The following GXYLT2 variants were observed in gnomAD, a reference collection of about 807,000 sequenced individuals.
The protein encoded by GXYLT2 is glucoside xylosyltransferase 2, also known as glycosyltransferase 8 domain containing 4.
A neutral mutation model predicts 45.8 loss-of-function variants in GXYLT2; 53 were observed. The observed-to-expected ratio is 1.16, with a 90% CI of 0.93 to 1.46. The LOEUF (loss-of-function observed/expected upper bound fraction) is 1.46. Ranked by LOEUF, GXYLT2 falls within the 40% of genes most tolerant of loss-of-function variation. The pLI is 0.00. For synonymous variants in GXYLT2, 219 were observed against 214.2 expected (o/e 1.02, Z -0.19); for missense variants, 551 against 544.4 (o/e 1.01, Z -0.12).
chr3:72,954,628 T>A (rs908655743), intron 3 of GXYLT2, among the ~76,000 whole-genome samples: 2 of 126,574 alleles, frequency 1.6e-5, no homozygotes, highest in African/African-American at 6.2e-5. Context: ...AGAGTGAGAC[T>A]CCATCTCAAA....
At chr3:72,961,064 C>A (rs993657457) in intron 5 of GXYLT2, among the ~76,000 whole-genome samples, 1 of 152,124 alleles carries the variant, frequency 6.6e-6, no homozygotes, top group Non-Finnish European at 1.5e-5. Context: ...TAGTAAATGC[C>A]TGTGGGTGCA....
chr3:72,966,279 G>C (rs1710863254), intron 5 of GXYLT2, among the ~76,000 whole-genome samples: 1 of 145,068 alleles, frequency 6.9e-6, no homozygotes, highest in Non-Finnish European at 1.5e-5. Flanking sequence ...GTACCCAGCC[G>C]AAGGTGGGGG....
chr3:72,936,392 G>T (rs1710178962), intron 3 of GXYLT2, among the ~76,000 whole-genome samples: 1 of 152,026 alleles, frequency 6.6e-6, no homozygotes, highest in Non-Finnish European at 1.5e-5. Flanking sequence ...AGTGGCTCAT[G>T]CCTATAATCC....
In GXYLT2 at chr3:72,975,072, A is replaced by G; in HGVS notation, c.1245A>G (p.Gln415=). ...ACACTTTATGTGGACGAATCCCGCA[A>G]GTTTTTCTGAAGCAAATTGAGAAAA... ...TVHTLCGRIP[Q]VFLKQIEKTM... is the part of the protein sequence containing the mutation. The change falls in exon 7 of 7, where the codon CAA becomes CAG. Residue 415 remains glutamine, a synonymous_variant. Transcript: ENST00000389617. 6.2e-7 allele frequency: 1 copy of G among 1,613,810 alleles called. No homozygotes were observed. Among genetic ancestry groups the G allele is most frequent in the Non-Finnish European group, 8.5e-7 (1 of 1,179,762 alleles).
intron 3 of GXYLT2, chr3:72,929,034 C>G: frequency 6.6e-7 from 1 of 1,512,042 alleles, no homozygotes; most frequent in Non-Finnish European, 9.1e-7. Context: ...CTCTCCTTAG[C>G]CGCCGCCGTG....
intron 3 of GXYLT2, among the ~76,000 whole-genome samples, chr3:72,941,838 G>A (rs1320291378): frequency 2.0e-5 from 3 of 152,062 alleles, no homozygotes; most frequent in African/African-American, 4.8e-5. Flanking sequence ...TGTATACATG[G>A]GTTTGTATAC....
At chr3:72,932,209 C>T (rs538411776) in intron 3 of GXYLT2, among the ~76,000 whole-genome samples, 6 of 151,920 alleles carry the variant, frequency 3.9e-5, no homozygotes, top group African/African-American at 7.3e-5. Context: ...CCCACCACCA[C>T]GCCCAGCTAA....
chr3:72,915,176 G>C lies in GXYLT2; in HGVS notation c.468+6617G>C, dbSNP rs147383922. 4.8e-3 allele frequency among the ~76,000 whole-genome samples: 724 copies of C among 151,926 alleles called. 5 individuals are homozygous for C. The highest frequency in any genetic ancestry group is 0.015 in the African/African-American group (631 of 41,434). ...AAAAAGAGCCTGAATTGGTTTTATT[G>C]CGAGCAACCTAGCATCCTGAGAGTA... On this transcript the variant is annotated intron_variant, in intron 2 of 6. Coordinates refer to ENST00000389617, the MANE Select transcript of GXYLT2 (RefSeq NM_001080393.2).
At chr3:72,938,205 A>G (rs1266673943) in intron 3 of GXYLT2, among the ~76,000 whole-genome samples, 1 of 152,210 alleles carries the variant, frequency 6.6e-6, no homozygotes, top group East Asian at 1.9e-4. Flanking sequence ...CTTTTGATGG[A>G]TGAATGGGTG....
In GXYLT2 at chr3:72,967,708, G is replaced by A; in HGVS notation, c.1138G>A (p.Ala380Thr). 1.2e-6 allele frequency: 2 copies of A among 1,613,656 alleles called. No homozygotes were observed. Among genetic ancestry groups the A allele is most frequent in the Middle Eastern group, 1.7e-4 (1 of 6,060 alleles). ...ACCAACGTTCAGAGCACTCTATGAA[G>A]CAATACGGGATGTAAGTGTGCCCTT... Reference protein sequence around the residue: ...KQPTFRALYEAIRDFPFQDNL... With the variant: ...KQPTFRALYETIRDFPFQDNL... The change falls in exon 6 of 7, where the codon GCA becomes ACA. Residue 380 changes from alanine to threonine, a missense_variant. Coordinates refer to ENST00000389617, the MANE Select transcript of GXYLT2 (RefSeq NM_001080393.2).
rs114479077 is a variant in GXYLT2, at chr3:72,894,173, A to T, written c.275+5665A>T. Among the ~76,000 whole-genome samples, 892 of 152,378 alleles carry T rather than the reference A, an allele frequency of 5.9e-3. 8 individuals are homozygous for T. Among genetic ancestry groups the T allele is most frequent in the African/African-American group, 0.019 (788 of 41,588 alleles). On this transcript the variant is annotated intron_variant, in intron 1 of 6. Transcript: ENST00000389617. Reference sequence around the variant, plus strand: ...GGATGAAGCCATCTGTTTGGGCAGTAGAAAAAGAAAATACAGGTCCTTGAG... The same window carrying T: ...GGATGAAGCCATCTGTTTGGGCAGTTGAAAAAGAAAATACAGGTCCTTGAG...
At chr3:72,951,324 T>A (rs780278399) in intron 3 of GXYLT2, among the ~76,000 whole-genome samples, 1 of 152,224 alleles carries the variant, frequency 6.6e-6, no homozygotes, top group Non-Finnish European at 1.5e-5. Context: ...TCTGACTACA[T>A]AAAAGGCTTT....
At chr3:72,938,855 A>G (rs184851419) in intron 3 of GXYLT2, among the ~76,000 whole-genome samples, 3 of 152,328 alleles carry the variant, frequency 2.0e-5, no homozygotes, top group Non-Finnish European at 1.5e-5. Context: ...TTTTAGAAGA[A>G]CCATCTTGAA....
At chr3:72,902,682 A>G (rs970969587) in intron 1 of GXYLT2, among the ~76,000 whole-genome samples, 1 of 151,354 alleles carries the variant, frequency 6.6e-6, no homozygotes, top group South Asian at 2.1e-4. Context: ...ATAAATAAAT[A>G]AATAAATAAA....
chr3:72,929,154 T>C, intron 3 of GXYLT2: 3 of 1,589,272 alleles, frequency 1.9e-6, no homozygotes, highest in South Asian at 1.1e-5. Flanking sequence ...TACCTGTCCA[T>C]GTCTTACTAC....
intron 3 of GXYLT2, among the ~76,000 whole-genome samples, chr3:72,948,011 T>A (rs1295250248): frequency 2.0e-5 from 3 of 152,190 alleles, no homozygotes; most frequent in African/African-American, 7.2e-5. Context: ...AAAACATTCC[T>A]AGACAAATAG....
At chr3:72,923,577 C>T (rs1709868770) in intron 3 of GXYLT2, among the ~76,000 whole-genome samples, 3 of 152,164 alleles carry the variant, frequency 2.0e-5, no homozygotes, top group Admixed American at 2.0e-4. Flanking sequence ...CTTCAGTAGA[C>T]ATTTGTTGAG....
At chr3:72,959,565 A>G (rs1710729604) in intron 5 of GXYLT2, among the ~76,000 whole-genome samples, 1 of 152,006 alleles carries the variant, frequency 6.6e-6, no homozygotes, top group Non-Finnish European at 1.5e-5. Flanking sequence ...CCAGCCTCTT[A>G]GTTCATGCCT....
intron 6 of GXYLT2, among the ~76,000 whole-genome samples, chr3:72,971,056 CTCAT>C (rs1710978729): frequency 6.6e-6 from 1 of 152,168 alleles, no homozygotes; most frequent in African/African-American, 2.4e-5. Context: ...CAGGGGCAAA[CTCAT>C]TCAGGAGTAC....
Sources: gnomAD v4.1 joint callset for allele counts (sites outside exome capture counted in the v4.1 genomes callset) on GRCh38, gnomAD v4.1.1 for gene constraint, MANE v1.5 for transcripts, NCBI Gene and HGNC (gene_info 2026-07-23, HGNC 2026-07-21) for gene names.